The following PLPP5 variants were observed in gnomAD, a reference collection of about 807,000 sequenced individuals.
PLPP5 encodes the protein diacylglycerol pyrophosphate like 1.
PLPP5 carries 29 observed loss-of-function variants against 23.6 expected under a neutral mutation model. The ratio of observed to expected loss-of-function variants is 1.23; its 90% CI spans 0.92 to 1.68. The LOEUF is 1.68. PLPP5 is among the 40% of genes most tolerant of loss of function. The probability of loss-of-function intolerance (pLI) is 0.00; values close to 1 mark genes in which losing one functional copy is unlikely to be tolerated. For missense variants in PLPP5, 315 were observed against 332.1 expected (o/e 0.95, Z 0.40); for synonymous variants, 143 against 131.3 (o/e 1.09, Z -0.61).
At chr8:38,265,074 CT>C in intron 6 of PLPP5, 1 of 710,328 alleles carries the variant, frequency 1.4e-6, no homozygotes, top group Non-Finnish European at 2.5e-6. Flanking sequence ...TGAGACCAGC[CT>C]GACCAACAAG....
intron 6 of PLPP5, chr8:38,265,401 C>T (rs1807440027): frequency 6.6e-6 from 1 of 152,342 alleles, no homozygotes; most frequent in Admixed American, 6.6e-5. Context: ...TCAAGCCATT[C>T]TCCTGCCTCA....
At position 38,268,913 on chromosome 8, in the gene PLPP5, T is replaced by C; in HGVS notation, c.152A>G (p.Glu51Gly). 1.3e-6 allele frequency: 2 copies of C among 1,557,870 alleles called. No individual in the cohort carries two copies. Among genetic ancestry groups the C allele is most frequent in the South Asian group, 2.4e-5 (2 of 84,204 alleles). ...CGGCTTGGTGGGGAAATACTCCGCC[T>C]CCACGTAGGGGTTCCGGTAGAGCCA... is the stretch of plus-strand genomic sequence containing the variant. ...EMWLYRNPYV[E>G]AEYFPTKPMF... Residue 51 changes from glutamate to glycine, a missense_variant, in exon 2 of 7, where the codon GAG (glutamate) becomes GGG (glycine). Glu to Gly is a moderately conservative substitution (Grantham distance 98). Coordinates refer to ENST00000424479, the MANE Select transcript of PLPP5 (RefSeq NM_001102559.2).
At chr8:38,268,190 G>A in intron 3 of PLPP5, 181 bp downstream of exon 3, 1 of 1,140,198 alleles carries the variant, frequency 8.8e-7, no homozygotes, top group Non-Finnish European at 1.2e-6. Context: ...GCACAGGGCT[G>A]CCTGCCGTGT....
chr8:38,266,440 G>A (rs937764043), intron 5 of PLPP5, 129 bp from the exon 6 acceptor site: 19 of 931,288 alleles, frequency 2.0e-5, no homozygotes, highest in African/African-American at 3.4e-5. Context: ...TTGCTCTGTC[G>A]CCCAGGCTGG....
chr8:38,264,624 G>A lies in PLPP5; in HGVS notation c.635-20C>T, dbSNP rs769634464. 1.3e-6 allele frequency: 2 copies of A among 1,572,214 alleles called. No homozygotes were observed. The highest frequency in any genetic ancestry group is 1.2e-5 in the South Asian group (1 of 83,838). ...GTACATCTGAAGAGAGTGGAAACAAGGTCTTCTCTTAATATTAGGCTCCTA... is the reference window on the plus strand; with the variant it reads ...GTACATCTGAAGAGAGTGGAAACAAAGTCTTCTCTTAATATTAGGCTCCTA... On this transcript the variant is annotated intron_variant, in intron 6 of 6. Transcript: ENST00000424479.
rs974473288 is a variant in PLPP5 at position 38,264,282 on chromosome 8, G to A, written c.*162C>T. 3.6e-4 allele frequency: 261 copies of A among 723,902 alleles called. 1 individual carries two copies. Among genetic ancestry groups the A allele is most frequent in the Middle Eastern group, 8.7e-4 (2 of 2,304 alleles). 44.8% of individuals were successfully genotyped at this position (723,902 alleles called of 1,614,324 possible). ...CCTACCTCAGCCTCCCAGGTAGCTG[G>A]GATTACGGCACACAACTCCTGGCTA... On this transcript the variant is annotated 3_prime_UTR_variant, in exon 7 of 7. Transcript: ENST00000424479.
chr8:38,268,861 A>C (rs768175120), intron 2 of PLPP5, 21 bp downstream of exon 2: 1 of 1,537,186 alleles, frequency 6.5e-7, no homozygotes, highest in Non-Finnish European at 8.7e-7. Context: ...GAGGGAGGAA[A>C]GACGATCTTT....
intron 6 of PLPP5, 56 bp downstream of exon 6, chr8:38,266,085 C>CT: frequency 6.5e-7 from 1 of 1,546,728 alleles, no homozygotes; most frequent in Non-Finnish European, 8.9e-7. Context: ...GTGCTAGGTG[C>CT]TAGGAATAAA....
At chr8:38,268,651 G>A (rs1392440692) in intron 2 of PLPP5, 190 bp from the exon 3 acceptor site, 1 of 1,436,120 alleles carries the variant, frequency 7.0e-7, no homozygotes, top group Non-Finnish European at 9.1e-7. Flanking sequence ...CGGTACCTCA[G>A]GCTGAGGCAC....
chr8:38,269,126 A>G lies in PLPP5; in HGVS notation c.74T>C (p.Leu25Pro), dbSNP rs886843224. Residue 25 changes from leucine (L) to proline (P), a missense_variant and splice_region_variant, in exon 1 of 7, where the codon CTG becomes CCG. Physicochemically the swap from Leu to Pro is moderately conservative, Grantham distance 98 (BLOSUM62 -3). Transcript: ENST00000424479. ...GGGCCCGGCCGTGGATCTTTCTTAC[A>G]GGAAGGCCGCGAACAGCGCGAGCCG... ...GVRLALFAAF[L>P]VTELLPPFQR... The G allele has an allele frequency of 6.6e-7, 1 of 1,523,176 alleles. No homozygotes were observed. Among genetic ancestry groups the G allele is most frequent in the Non-Finnish European group, 8.8e-7 (1 of 1,141,510 alleles). The allele number at this position is 1,523,176 out of a possible 1,614,324, so 94.4% of individuals were successfully genotyped here. A position where few individuals can be genotyped will look rare whatever the true frequency, so the allele number is the denominator to read the frequency against.
At position 38,268,442 on chromosome 8, in the gene PLPP5, GGA is replaced by G; in HGVS notation, c.201_202del (p.Pro68ThrfsTer57). ...TTTGGCCAGGAAGATCAGAGACAGT[GGA>G]GAGAGAAATGCAATAACCTGAATCA... On this transcript the variant is annotated frameshift_variant, in exon 3 of 7. Coordinates refer to ENST00000424479, the MANE Select transcript of PLPP5 (RefSeq NM_001102559.2). LOFTEE classifies it high-confidence loss of function. The G allele has an allele frequency of 6.4e-7, 1 of 1,574,532 alleles. No individual in the cohort carries two copies. The highest frequency in any genetic ancestry group is 8.6e-7 in the Non-Finnish European group (1 of 1,159,638).
At chr8:38,266,383 C>T in intron 5 of PLPP5, 72 bp from the exon 6 acceptor site, 1 of 1,338,782 alleles carries the variant, frequency 7.5e-7, no homozygotes, top group Middle Eastern at 2.3e-4. Flanking sequence ...ACATAGGAGG[C>T]TAGGAAGCAT....
In PLPP5 at chr8:38,264,549, C is replaced by T. The variant is rs756600010; in HGVS notation, c.690G>A (p.Gln230=). 1.0e-5 allele frequency: 16 copies of T among 1,578,790 alleles called. No individual in the cohort carries two copies. Among genetic ancestry groups the T allele is most frequent in the Non-Finnish European group, 6.9e-6 (8 of 1,161,400 alleles). Residue 230 remains glutamine (Q), a synonymous_variant, in exon 7 of 7, where the codon CAG becomes CAA. Transcript: ENST00000424479. ...CTGCATCAGTCAGAGGAGGATAATA[C>T]TGCCGATAGCAGACATAGGCAAATG... is the stretch of plus-strand genomic sequence containing the variant. ...GMTFAYVCYR[Q]YYPPLTDAEC...
At chr8:38,266,514 C>T in intron 5 of PLPP5, 1 of 503,086 alleles carries the variant, frequency 2.0e-6, no homozygotes, top group Non-Finnish European at 3.5e-6. Flanking sequence ...GATTCTCCTG[C>T]CTTAGCCTCC....
In PLPP5 at chr8:38,269,213, C is replaced by G; in HGVS notation, c.-14G>C. ...CGCCTTCCCCATCCGGCCGCGAGCT[C>G]CGAGCGACGCTGCGCTGACGTGGCC... On this transcript the variant is annotated 5_prime_UTR_variant, in exon 1 of 7. Transcript: ENST00000424479. 1.3e-6 allele frequency: 2 copies of G among 1,495,136 alleles called. No individual in the cohort carries two copies. The highest frequency in any genetic ancestry group is 2.3e-4 in the Middle Eastern group (1 of 4,336). The allele number at this position is 1,495,136 out of a possible 1,614,324, so 92.6% of individuals were successfully genotyped here.
intron 4 of PLPP5, chr8:38,267,596 A>G (rs2130937636): frequency 1.5e-6 from 1 of 662,110 alleles, no homozygotes; most frequent in East Asian, 2.8e-5. Context: ...CCATTCCAGC[A>G]CATGATTACT....
Position 38,263,493 on chromosome 8 carries a change from A to G in PLPP5, c.*951T>C. 1 of 985,386 alleles carries G rather than the reference A, an allele frequency of 1.0e-6. No individual in the cohort carries two copies. Among genetic ancestry groups the G allele is most frequent in the South Asian group, 4.7e-5 (1 of 21,288 alleles). 61.0% of individuals were successfully genotyped at this position (985,386 alleles called of 1,614,324 possible). On this transcript the variant is annotated 3_prime_UTR_variant, in exon 7 of 7. Transcript: ENST00000424479. ...ACAGTCATCTGTTAGTAGTGCTGAA[A>G]CCACACTCCTGACCATTTTCTTCTT...
chr8:38,264,329 A>C lies in PLPP5; in HGVS notation c.*115T>G. On this transcript the variant is annotated 3_prime_UTR_variant, in exon 7 of 7. Transcript: ENST00000424479. ...GCTAATTTTTGTATTTTTAGTAGAG[A>C]CAGGGTTCACCATGTTGGCCAGGCT... 1.2e-6 allele frequency: 1 copy of C among 861,724 alleles called. No individual in the cohort carries two copies. Among genetic ancestry groups the C allele is most frequent in the Non-Finnish European group, 1.6e-6 (1 of 607,124 alleles). 53.4% of individuals were successfully genotyped at this position (861,724 alleles called of 1,614,324 possible).
chr8:38,268,573 C>CT (rs1186394764), intron 2 of PLPP5, 112 bp from the exon 3 acceptor site: 6 of 1,473,534 alleles, frequency 4.1e-6, no homozygotes, highest in East Asian at 2.5e-5. Flanking sequence ...CATAAGGTCT[C>CT]TGAGTGCGCG....
Sources: gnomAD v4.1 joint callset for allele counts on GRCh38, gnomAD v4.1.1 for gene constraint, MANE v1.5 for transcripts, NCBI Gene and HGNC (gene_info 2026-07-23, HGNC 2026-07-21) for gene names.